The following MTR variants were observed in gnomAD, a reference collection of about 807,000 sequenced individuals.
The protein encoded by MTR is 5-methyltetrahydrofolate-homocysteine methyltransferase.
MTR carries 84 observed loss-of-function variants against 154.8 expected under a neutral mutation model. The ratio of observed to expected loss-of-function variants is 0.54; its 90% CI spans 0.45 to 0.65. The LOEUF (loss-of-function observed/expected upper bound fraction) is 0.65. MTR is among the 30% of genes least tolerant of loss of function. The pLI, the probability that MTR is intolerant of heterozygous loss-of-function variation, is 0.00. For synonymous variants in MTR, 554 were observed against 553.9 expected, an observed-to-expected ratio of 1.00 and a Z score of 0.00; for missense variants, 1,275 against 1,570.2, an observed-to-expected ratio of 0.81 and a Z score of 3.18.
chr1:236,803,373 C>G (rs1660797661), intron 1 of MTR, 55 bp from the exon 2 acceptor site: 1 of 1,537,406 alleles, frequency 6.5e-7, no homozygotes. Context: ...GCTCCTCCCT[C>G]ACACATCTTT....
chr1:236,858,172 A>C (rs758883270), intron 18 of MTR, among the ~76,000 whole-genome samples: 4 of 152,186 alleles, frequency 2.6e-5, no homozygotes, highest in Non-Finnish European at 4.4e-5. Context: ...TAATTTATGA[A>C]GAAAAGGAGG....
At position 236,795,315 on chromosome 1, in the gene MTR, T is replaced by C. The variant is rs1660299463; in HGVS notation, c.-389T>C. On this transcript the variant is annotated 5_prime_UTR_variant, in exon 1 of 33. Transcript: ENST00000366577. ...GCAGAACTAACCGCGCTCTGAAAGG[T>C]TCTAAATGTCTGCGGGGCTCAGAGC... is the stretch of plus-strand genomic sequence containing the variant. 1.6e-6 allele frequency: 2 copies of C among 1,256,580 alleles called. No individual in the cohort carries two copies. The highest frequency in any genetic ancestry group is 2.1e-6 in the Non-Finnish European group (2 of 974,904). The allele number at this position is 1,256,580 out of a possible 1,614,324, so 77.8% of individuals were successfully genotyped here. A position where few individuals can be genotyped will look rare whatever the true frequency, so the allele number is the denominator to read the frequency against.
chr1:236,819,510 C>G, intron 8 of MTR: 1 of 316,664 alleles, frequency 3.2e-6, no homozygotes, highest in East Asian at 7.3e-5. Flanking sequence ...TATTGAAGAC[C>G]ATCTTGGTTG....
chr1:236,874,814 T>C lies in MTR; in HGVS notation c.2562T>C (p.Ile854=), dbSNP rs761476962. The change falls in exon 24 of 33, where the codon ATT becomes ATC. Residue 854 remains isoleucine, a synonymous_variant. Transcript: ENST00000366577. ...AKEMERLAIR[I]PLLIGGATTS... ...AAATGGAGAGATTAGCTATAAGGAT[T>C]CCATTGTTGATTGGAGGAGCAACCA... The C allele has an allele frequency of 6.8e-6, 11 of 1,613,786 alleles. No individual in the cohort carries two copies. In the Admixed American group the frequency reaches 1.8e-4, roughly 27 times the overall value.
chr1:236,869,479 T>G (rs1665000215), intron 22 of MTR, among the ~76,000 whole-genome samples: 1 of 152,242 alleles, frequency 6.6e-6, no homozygotes, highest in Non-Finnish European at 1.5e-5. Context: ...TTTACAGGCA[T>G]GAGCCTCCAT....
chr1:236,843,801 A>G (rs1385642688), intron 15 of MTR, among the ~76,000 whole-genome samples: 2 of 152,220 alleles, frequency 1.3e-5, no homozygotes, highest in East Asian at 3.9e-4. Context: ...ATTGAAAGGA[A>G]GGAGCTACTG....
At chr1:236,863,356 T>C (rs1664656010) in intron 21 of MTR, 98 bp from the exon 22 acceptor site, 2 of 932,254 alleles carry the variant, frequency 2.1e-6, no homozygotes, top group Admixed American at 1.9e-5. Flanking sequence ...TTGGTTGTAT[T>C]GAATTGCTTT....
chr1:236,824,194 C>T lies in MTR; in HGVS notation c.840C>T (p.Ala280=). 1 of 1,613,956 alleles carries T rather than the reference C, an allele frequency of 6.2e-7. No homozygotes were observed. Among genetic ancestry groups the T allele is most frequent in the Non-Finnish European group, 8.5e-7 (1 of 1,179,910 alleles). ...FIEIIGKCTT[A]YVLCYPNAGL... is the part of the protein sequence containing the mutation. ...AAATAATTGGAAAATGTACAACAGC[C>T]TATGTCCTCTGTTATCCCAATGCAG... Residue 280 remains alanine, a synonymous_variant, in exon 9 of 33, where the codon GCC becomes GCT. Coordinates refer to ENST00000366577, the MANE Select transcript of MTR (RefSeq NM_000254.3).
At chr1:236,881,613 G>T (rs1015389803) in intron 25 of MTR, among the ~76,000 whole-genome samples, 2 of 152,118 alleles carry the variant, frequency 1.3e-5, no homozygotes, top group Non-Finnish European at 2.9e-5. Flanking sequence ...CCTTCACATT[G>T]TGCAGGCGAG....
intron 17 of MTR, 119 bp from the exon 18 acceptor site, chr1:236,852,828 TA>T: frequency 8.1e-7 from 1 of 1,239,374 alleles, no homozygotes; most frequent in Middle Eastern, 2.5e-4. Flanking sequence ...CAAAGTTGAG[TA>T]GCTGTGACAG....
chr1:236,902,847 C>CAA lies in MTR; in HGVS notation c.*5206_*5207dup, dbSNP rs1432707422. 1 of 152,156 alleles carries CAA rather than the reference C, an allele frequency of 6.6e-6. No individual in the cohort carries two copies. Among genetic ancestry groups the CAA allele is most frequent in the Non-Finnish European group, 1.5e-5 (1 of 68,048 alleles). 9.4% of individuals were successfully genotyped at this position (152,156 alleles called of 1,614,324 possible). ...TATTGGCAGCCCTGCAAAAACAAAA[C>CAA]AAAACAAAACCCTCAGTTCATGGCA... On this transcript the variant is annotated 3_prime_UTR_variant, in exon 33 of 33. Coordinates refer to ENST00000366577, the MANE Select transcript of MTR (RefSeq NM_000254.3).
intron 16 of MTR, 49 bp from the exon 17 acceptor site, chr1:236,852,472 G>A (rs1170545007): frequency 1.4e-6 from 2 of 1,424,064 alleles, no homozygotes; most frequent in Non-Finnish European, 2.0e-6. Context: ...TGTGATTGCT[G>A]TTTTTGGCAA....
At chr1:236,820,014 T>G (rs898992612) in intron 8 of MTR, 4 of 1,019,506 alleles carry the variant, frequency 3.9e-6, no homozygotes, top group Admixed American at 3.4e-5. Context: ...GGTTACTGAC[T>G]CGAGGGCTGA....
intron 18 of MTR, among the ~76,000 whole-genome samples, chr1:236,856,789 T>A (rs1664232710): frequency 6.6e-6 from 1 of 152,204 alleles, no homozygotes; most frequent in Non-Finnish European, 1.5e-5. Flanking sequence ...GTGTTTCGTT[T>A]TCTGTTCCTG....
chr1:236,849,636 A>G (rs1663785963), intron 15 of MTR, among the ~76,000 whole-genome samples: 1 of 152,190 alleles, frequency 6.6e-6, no homozygotes, highest in East Asian at 1.9e-4. Flanking sequence ...AGGAGAGGGC[A>G]AATGGTAGGA....
chr1:236,802,039 T>TAAGGGGTTGAAGA (rs1553309843), intron 1 of MTR, among the ~76,000 whole-genome samples: 1 of 152,210 alleles, frequency 6.6e-6, no homozygotes, highest in East Asian at 1.9e-4. Context: ...GCCTGTGTAG[T>TAAGGGGTTGAAGA]AAGGGGTTGA....
Position 236,862,267 on chromosome 1 carries a change from C to T in MTR, c.2228C>T (p.Ala743Val). ...AAGTCAGCCCGGGTTATGAAGAAGG[C>T]TGTTGGCCACCTTATCCCTTTCATG... The part of the protein sequence containing the change: ...VIKSARVMKK[A>V]VGHLIPFMEK... The change falls in exon 21 of 33, where the codon GCT (alanine) becomes GTT (valine). Residue 743 changes from alanine to valine, a missense_variant. Ala to Val is a moderately conservative substitution (Grantham distance 64, BLOSUM62 0). Coordinates refer to ENST00000366577, the MANE Select transcript of MTR (RefSeq NM_000254.3). The T allele has an allele frequency of 6.2e-7, 1 of 1,613,976 alleles. No individual in the cohort carries two copies. The highest frequency in any genetic ancestry group is 8.5e-7 in the Non-Finnish European group (1 of 1,179,890).
In MTR at chr1:236,810,516, T is replaced by C. The variant is rs1437539723; in HGVS notation, c.423T>C (p.Phe141=). ...CTTTTCCCAAAGGAATTAAGAGGTT[T>C]GTGGCAGGGGCTCTGGGTCCGACTA... is the stretch of plus-strand genomic sequence containing the variant. The part of the protein sequence containing the change: ...EVTLQTGIKR[F]VAGALGPTNK... Residue 141 remains phenylalanine (F), a synonymous_variant, in exon 5 of 33, where the codon TTT becomes TTC. Transcript: ENST00000366577. 6.2e-7 allele frequency: 1 copy of C among 1,613,810 alleles called. No individual in the cohort carries two copies. Among genetic ancestry groups the C allele is most frequent in the East Asian group, 2.2e-5 (1 of 44,860 alleles).
chr1:236,832,008 A>C lies in MTR; in HGVS notation c.1118A>C (p.Asn373Thr). Residue 373 changes from asparagine to threonine, a missense_variant, in exon 13 of 33, where the codon AAC becomes ACC. Asn to Thr is a moderately conservative substitution (Grantham distance 65). Transcript: ENST00000366577. The stretch of plus-strand genomic sequence containing the variant: ...ATTGGACCGTACACCAACTTTGTTA[A>C]CATTGGAGAGCGCTGTAATGTTGCA... ...FRIGPYTNFV[N>T]IGERCNVAGS... The C allele has an allele frequency of 6.2e-7, 1 of 1,614,206 alleles. No individual in the cohort carries two copies. The highest frequency in any genetic ancestry group is 8.5e-7 in the Non-Finnish European group (1 of 1,180,014).
Sources: gnomAD v4.1 joint callset for allele counts (sites outside exome capture counted in the v4.1 genomes callset) on GRCh38, gnomAD v4.1.1 for gene constraint, MANE v1.5 for transcripts, NCBI Gene and HGNC (gene_info 2026-07-23, HGNC 2026-07-21) for gene names.